Variants in CTNNA3 observed in about 807,000 individuals in gnomAD.
The protein encoded by CTNNA3 is catenin alpha-3.
CTNNA3 carries 76 observed loss-of-function variants against 95.7 expected under a neutral mutation model. The ratio of observed to expected loss-of-function variants is 0.79; its 90% CI spans 0.66 to 0.96. CTNNA3 has a LOEUF of 0.96. Among genes scored for constraint, CTNNA3 ranks in the 40% least tolerant of loss-of-function variants. The pLI, the probability that CTNNA3 is intolerant of heterozygous loss-of-function variation, is 0.00. For synonymous variants in CTNNA3, 431 were observed against 374.4 expected, an observed-to-expected ratio of 1.15 and a Z score of -1.74; for missense variants, 1,191 against 1,089.8, an observed-to-expected ratio of 1.09 and a Z score of -1.31.
At position 67,564,677 on chromosome 10, in the gene CTNNA3, G is replaced by GTATGTATATATATA. The variant is rs1554854250; in HGVS notation, c.293-25009_293-25008insTATATATATACATA. On this transcript the variant is annotated intron_variant, in intron 3 of 17. Coordinates refer to ENST00000433211, the MANE Select transcript of CTNNA3 (RefSeq NM_013266.4). ...TATATGCATATATGTGTGTGTGTGT[G>GTATGTATATATATA]TATATATATATATATATATATATAT... is the stretch of plus-strand genomic sequence containing the variant. 6.0e-4 allele frequency among the ~76,000 whole-genome samples: 37 copies of GTATGTATATATATA among 61,312 alleles called. 1 individual carries two copies. Among genetic ancestry groups the GTATGTATATATATA allele is most frequent in the African/African-American group, 2.2e-3 (35 of 15,664 alleles). 40.2% of individuals were successfully genotyped at this position (61,312 alleles called of 152,430 possible).
chr10:67,133,969 C>T (rs1349404674), intron 7 of CTNNA3, among the ~76,000 whole-genome samples: 1 of 152,064 alleles, frequency 6.6e-6, no homozygotes, highest in Non-Finnish European at 1.5e-5. Context: ...CAGGTGTGAG[C>T]CACTACACTC....
intron 9 of CTNNA3, among the ~76,000 whole-genome samples, chr10:66,758,138 A>C (rs1419557970): frequency 6.6e-6 from 1 of 152,116 alleles, no homozygotes; most frequent in African/African-American, 2.4e-5. Flanking sequence ...TCACCATCAA[A>C]TTACCTACAT....
intron 5 of CTNNA3, among the ~76,000 whole-genome samples, chr10:67,492,001 G>A (rs1465075913): frequency 6.6e-6 from 1 of 151,992 alleles, no homozygotes; most frequent in Admixed American, 6.6e-5. Context: ...ATAAAATCTT[G>A]AATTGAAGAG....
In CTNNA3 at chr10:65,944,572, G is replaced by A. The variant is rs76689652; in HGVS notation, c.2400+22040C>T. Among the ~76,000 whole-genome samples the A allele has an allele frequency of 9.8e-3, 1,500 of 152,290 alleles. 32 individuals are homozygous for A. The highest frequency in any genetic ancestry group is 0.033 in the African/African-American group (1,392 of 41,560). On this transcript the variant is annotated intron_variant, in intron 17 of 17. Transcript: ENST00000433211. ...GGCAAAGTGGAGGAGTTTTGTAGCCGCATCCCGTGTACATTGTGCAGGGAG... is the reference window on the plus strand; with the variant it reads ...GGCAAAGTGGAGGAGTTTTGTAGCCACATCCCGTGTACATTGTGCAGGGAG...
At chr10:66,219,318 C>T (rs2131974345) in intron 13 of CTNNA3, among the ~76,000 whole-genome samples, 1 of 152,228 alleles carries the variant, frequency 6.6e-6, no homozygotes, top group African/African-American at 2.4e-5. Flanking sequence ...ACTGTAGCAT[C>T]CAGGCCCCAA....
intron 15 of CTNNA3, among the ~76,000 whole-genome samples, chr10:66,032,901 A>G (rs1234697018): frequency 6.6e-6 from 1 of 152,156 alleles, no homozygotes; most frequent in African/African-American, 2.4e-5. Flanking sequence ...AGGAGAGGAA[A>G]TGGACTCAGA....
chr10:66,177,611 T>G (rs879806415), intron 13 of CTNNA3, among the ~76,000 whole-genome samples: 3 of 152,038 alleles, frequency 2.0e-5, no homozygotes, highest in African/African-American at 4.8e-5. Context: ...GACTGAAGAA[T>G]TTTACCGTTC....
intron 13 of CTNNA3, among the ~76,000 whole-genome samples, chr10:66,155,202 GA>G (rs1487273787): frequency 1.3e-5 from 2 of 151,736 alleles, no homozygotes; most frequent in Admixed American, 1.3e-4. Context: ...AACTTAGAGA[GA>G]ACTCTTGCAT....
At chr10:67,417,972 T>G (rs1845603505) in intron 5 of CTNNA3, among the ~76,000 whole-genome samples, 1 of 152,118 alleles carries the variant, frequency 6.6e-6, no homozygotes, top group South Asian at 2.1e-4. Context: ...CATCAACTGG[T>G]AAATGGATAA....
chr10:67,306,675 A>T (rs1317998965), intron 5 of CTNNA3, among the ~76,000 whole-genome samples: 2 of 152,140 alleles, frequency 1.3e-5, no homozygotes, highest in African/African-American at 4.8e-5. Flanking sequence ...AGCTCCTCAG[A>T]ATTTCTTCTC....
chr10:66,421,834 CAAAA>C (rs35845509), intron 11 of CTNNA3, among the ~76,000 whole-genome samples: 28,239 of 77,606 alleles, frequency 0.36, 3,201 homozygotes, highest in South Asian at 0.42. Context: ...GACTCTGTCT[CAAAA>C]AAAAAAAAAA....
At chr10:66,700,326 G>C (rs1440662072) in intron 9 of CTNNA3, among the ~76,000 whole-genome samples, 2 of 151,980 alleles carry the variant, frequency 1.3e-5, no homozygotes, top group Non-Finnish European at 2.9e-5. Flanking sequence ...TGTAGATAAG[G>C]GTCCAGTTTC....
chr10:66,080,345 T>C (rs1168296756), intron 14 of CTNNA3, among the ~76,000 whole-genome samples: 1 of 152,168 alleles, frequency 6.6e-6, no homozygotes, highest in Non-Finnish European at 1.5e-5. Context: ...AGTGATCTTG[T>C]ATAACTATTC....
intron 3 of CTNNA3, among the ~76,000 whole-genome samples, chr10:67,605,725 CTGGAGTACAA>C (rs57627102): frequency 0.087 from 13,172 of 152,146 alleles, 1,305 homozygotes; most frequent in African/African-American, 0.24. Flanking sequence ...GTCCCCCAGG[CTGGAGTACAA>C]TGGTGTGATC....
intron 7 of CTNNA3, among the ~76,000 whole-genome samples, chr10:67,129,319 C>T (rs1244584134): frequency 6.6e-6 from 1 of 152,122 alleles, no homozygotes; most frequent in African/African-American, 2.4e-5. Flanking sequence ...AATGTTACCA[C>T]TTTGCTTGCT....
At position 65,912,772 on chromosome 10, in the gene CTNNA3, T is replaced by C. The variant is rs2076959356; in HGVS notation, c.*7558A>G. 1 of 152,194 alleles carries C rather than the reference T, an allele frequency of 6.6e-6. No homozygotes were observed. The highest frequency in any genetic ancestry group is 1.5e-5 in the Non-Finnish European group (1 of 68,032). 9.4% of individuals were successfully genotyped at this position (152,194 alleles called of 1,614,324 possible). Reference sequence around the variant, plus strand: ...CAAACAAGGAGTATTTGGGCTTCTATGTCAATGTCATAGGAAAGAGCTTTT... The same window carrying C: ...CAAACAAGGAGTATTTGGGCTTCTACGTCAATGTCATAGGAAAGAGCTTTT... On this transcript the variant is annotated 3_prime_UTR_variant, in exon 18 of 18. Coordinates refer to ENST00000433211, the MANE Select transcript of CTNNA3 (RefSeq NM_013266.4).
At chr10:67,488,771 G>A (rs1388402779) in intron 5 of CTNNA3, among the ~76,000 whole-genome samples, 2 of 151,072 alleles carry the variant, frequency 1.3e-5, no homozygotes, top group Non-Finnish European at 2.9e-5. Context: ...CCAGGCTCAA[G>A]CAATTCTCCT....
rs775242949 is a variant in CTNNA3, at chr10:66,825,784, C to A, written c.1048-50260G>T. Reference sequence around the variant, plus strand: ...ATCTCACTGTCCCAGGATTGTGGAGCCCTCATTTCTGGCTTCGCTTTGTCA... The same window carrying A: ...ATCTCACTGTCCCAGGATTGTGGAGACCTCATTTCTGGCTTCGCTTTGTCA... On this transcript the variant is annotated intron_variant, in intron 7 of 17. Transcript: ENST00000433211. Among the ~76,000 whole-genome samples, 15 of 152,146 alleles carry A rather than the reference C, an allele frequency of 9.9e-5. No individual in the cohort carries two copies. The South Asian group carries it at 1.0e-3, about 11-fold the overall frequency.
At chr10:67,182,097 T>C (rs977174921) in intron 6 of CTNNA3, among the ~76,000 whole-genome samples, 1 of 152,040 alleles carries the variant, frequency 6.6e-6, no homozygotes, top group Non-Finnish European at 1.5e-5. Context: ...ATCAATATCG[T>C]GAAAATGGCC....
Sources: allele counts gnomAD v4.1 joint callset (sites outside exome capture counted in the v4.1 genomes callset), GRCh38; gene constraint gnomAD v4.1.1; transcripts MANE v1.5; gene names NCBI Gene and HGNC (gene_info 2026-07-23, HGNC 2026-07-21).